GRK3: variants seen among roughly 807,000 people sequenced by gnomAD.
The protein encoded by GRK3 is G protein-coupled receptor kinase 3.
GRK3 carries 54 observed loss-of-function variants against 95.7 expected under a neutral mutation model. The ratio of observed to expected loss-of-function variants is 0.56; its 90% CI spans 0.45 to 0.71. The LOEUF is 0.71. GRK3 is among the 30% of genes least tolerant of loss of function. The pLI is 0.00. For missense variants in GRK3, 649 were observed against 851.2 expected (o/e 0.76, Z 2.96); for synonymous variants, 281 against 290.8 (o/e 0.97, Z 0.34).
chr22:25,711,536 G>C (rs997437546), intron 17 of GRK3, among the ~76,000 whole-genome samples: 2 of 152,110 alleles, frequency 1.3e-5, no homozygotes, highest in Admixed American at 1.3e-4. Context: ...CCCGTGTTAG[G>C]ATGAAAGAGC....
intron 2 of GRK3, among the ~76,000 whole-genome samples, chr22:25,626,085 C>T (rs1175407922): frequency 6.6e-6 from 1 of 152,176 alleles, no homozygotes; most frequent in Non-Finnish European, 1.5e-5. Context: ...ACTCTCTCGT[C>T]GCCGCACATG....
At chr22:25,694,002 G>C (rs938019392) in intron 12 of GRK3, among the ~76,000 whole-genome samples, 3 of 152,154 alleles carry the variant, frequency 2.0e-5, no homozygotes, top group Admixed American at 2.0e-4. Flanking sequence ...CGTTGGTCAG[G>C]CTGGTCTCAA....
chr22:25,691,038 C>T (rs768155741), intron 12 of GRK3, among the ~76,000 whole-genome samples: 91 of 152,066 alleles, frequency 6.0e-4, no homozygotes, highest in Non-Finnish European at 2.4e-4. Context: ...TCTCTGTACT[C>T]GGGGTTGTTA....
intron 2 of GRK3, among the ~76,000 whole-genome samples, chr22:25,617,196 A>G (rs1352238036): frequency 6.6e-6 from 1 of 152,198 alleles, no homozygotes; most frequent in African/African-American, 2.4e-5. Flanking sequence ...AGTTTAAATC[A>G]TTGTCAGCCT....
chr22:25,688,834 C>A (rs116404880), intron 11 of GRK3, among the ~76,000 whole-genome samples: 7 of 152,124 alleles, frequency 4.6e-5, no homozygotes, highest in Admixed American at 3.9e-4. Context: ...TTAATGATTG[C>A]GCAAACATAG....
intron 2 of GRK3, among the ~76,000 whole-genome samples, chr22:25,628,597 A>G (rs1286699838): frequency 1.3e-5 from 2 of 152,232 alleles, no homozygotes; most frequent in African/African-American, 2.4e-5. Flanking sequence ...GACAGTGTGT[A>G]TAGAGTACAG....
rs545207395 is a variant in GRK3 at position 25,662,757 on chromosome 22, C to T, written c.367-873C>T. 1.1e-4 allele frequency among the ~76,000 whole-genome samples: 17 copies of T among 152,198 alleles called. 1 individual carries two copies. The highest frequency in any genetic ancestry group is 4.1e-4 in the South Asian group (2 of 4,824). On this transcript the variant is annotated intron_variant, in intron 4 of 20. Coordinates refer to ENST00000324198, the MANE Select transcript of GRK3 (RefSeq NM_005160.4). ...GCCAGATGTTCAATGGGAAAGCCTC[C>T]GTAAACTTAGTTTTTATGTAGTTCA...
chr22:25,632,180 A>C (rs1043559269), intron 2 of GRK3, among the ~76,000 whole-genome samples: 1 of 152,176 alleles, frequency 6.6e-6, no homozygotes, highest in African/African-American at 2.4e-5. Flanking sequence ...AAGAGTTCCA[A>C]CTGCTCCACA....
intron 2 of GRK3, among the ~76,000 whole-genome samples, chr22:25,606,412 C>T (rs182602258): frequency 2.0e-5 from 3 of 152,068 alleles, no homozygotes; most frequent in Non-Finnish European, 2.9e-5. Context: ...GCCTGCTCCC[C>T]GTTTTTCTCT....
intron 2 of GRK3, among the ~76,000 whole-genome samples, chr22:25,632,098 C>G (rs1279543940): frequency 6.6e-6 from 1 of 152,208 alleles, no homozygotes; most frequent in South Asian, 2.1e-4. Flanking sequence ...ATTATTGGGT[C>G]AAATGACAAA....
chr22:25,574,998 T>C (rs1354531944), intron 1 of GRK3, among the ~76,000 whole-genome samples: 1 of 152,226 alleles, frequency 6.6e-6, no homozygotes, highest in Non-Finnish European at 1.5e-5. Context: ...TTCTAAGCAA[T>C]GAATGAGAGG....
At chr22:25,620,346 G>A (rs1273907456) in intron 2 of GRK3, among the ~76,000 whole-genome samples, 3 of 152,106 alleles carry the variant, frequency 2.0e-5, no homozygotes, top group South Asian at 2.1e-4. Flanking sequence ...TTCTGCACAC[G>A]TGGGGATATG....
intron 6 of GRK3, among the ~76,000 whole-genome samples, chr22:25,671,674 T>A (rs1244705088): frequency 1.3e-5 from 2 of 152,216 alleles, no homozygotes; most frequent in Non-Finnish European, 2.9e-5. Flanking sequence ...AAAATGGGGA[T>A]CATAATAGTA....
chr22:25,569,059 G>C (rs1931593236), intron 1 of GRK3, among the ~76,000 whole-genome samples: 1 of 152,176 alleles, frequency 6.6e-6, no homozygotes, highest in Non-Finnish European at 1.5e-5. Context: ...GTAAGTGATT[G>C]GTGGATAACT....
intron 2 of GRK3, among the ~76,000 whole-genome samples, chr22:25,637,167 G>C (rs1343047365): frequency 7.0e-6 from 1 of 142,176 alleles, no homozygotes; most frequent in Non-Finnish European, 1.5e-5. Context: ...TGAGACTCCA[G>C]GATTGATACT....
At chr22:25,685,318 A>C in intron 10 of GRK3, 70 bp downstream of exon 10, 1 of 1,202,420 alleles carries the variant, frequency 8.3e-7, no homozygotes. Flanking sequence ...AGCATGCATT[A>C]ATCTAGGCAG....
intron 17 of GRK3, 24 bp from the exon 18 acceptor site, chr22:25,714,384 A>G (rs759534173): frequency 1.3e-6 from 2 of 1,590,466 alleles, no homozygotes; most frequent in Non-Finnish European, 1.7e-6. Context: ...AATCATAAAT[A>G]TCTTGATTTC....
At chr22:25,571,107 G>C (rs1931685465) in intron 1 of GRK3, among the ~76,000 whole-genome samples, 1 of 152,174 alleles carries the variant, frequency 6.6e-6, no homozygotes, top group Non-Finnish European at 1.5e-5. Context: ...TGCAGTTTCA[G>C]GAGCAGAAAA....
At chr22:25,582,140 G>T (rs920919562) in intron 1 of GRK3, among the ~76,000 whole-genome samples, 23 of 152,114 alleles carry the variant, frequency 1.5e-4, no homozygotes, top group African/African-American at 5.6e-4. Context: ...AGCCAGGCGT[G>T]GTGGTGGGCA....
Sources: allele counts gnomAD v4.1 joint callset (sites outside exome capture counted in the v4.1 genomes callset), GRCh38; gene constraint gnomAD v4.1.1; transcripts MANE v1.5; gene names NCBI Gene and HGNC (gene_info 2026-07-23, HGNC 2026-07-21).